The following MDFIC2 variants were observed in gnomAD, a reference collection of about 807,000 sequenced individuals.
MDFIC2 encodes the protein myoD family inhibitor domain-containing protein 2.
At chr3:70,202,724 C>A (rs1464051895) in intron 3 of MDFIC2, among the ~76,000 whole-genome samples, 1 of 152,228 alleles carries the variant, frequency 6.6e-6, no homozygotes, top group South Asian at 2.1e-4. Flanking sequence ...CCTTTCTACA[C>A]CCCAGGGTAC....
chr3:70,261,112 G>C (rs1701861315), intron 2 of MDFIC2, among the ~76,000 whole-genome samples: 1 of 152,072 alleles, frequency 6.6e-6, no homozygotes, highest in African/African-American at 2.4e-5. Flanking sequence ...TAGAAAAAAG[G>C]CACAAAAATC....
At chr3:70,251,023 C>A (rs1264610123) in intron 2 of MDFIC2, among the ~76,000 whole-genome samples, 1 of 152,164 alleles carries the variant, frequency 6.6e-6, no homozygotes, top group Admixed American at 6.5e-5. Context: ...CATTTAAACG[C>A]CTTTCCAGAG....
intron 2 of MDFIC2, among the ~76,000 whole-genome samples, chr3:70,275,191 T>C (rs535610007): frequency 6.6e-6 from 1 of 152,340 alleles, no homozygotes; most frequent in South Asian, 2.1e-4. Context: ...GCCTGTTTTA[T>C]ATATTGTGCT....
intron 2 of MDFIC2, among the ~76,000 whole-genome samples, chr3:70,240,998 A>T (rs920571976): frequency 1.3e-5 from 2 of 152,160 alleles, no homozygotes; most frequent in Non-Finnish European, 2.9e-5. Flanking sequence ...AGTCAAGGAT[A>T]TTCATTTTTT....
intron 2 of MDFIC2, among the ~76,000 whole-genome samples, chr3:70,310,695 G>T (rs992120000): frequency 1.3e-5 from 2 of 152,110 alleles, no homozygotes; most frequent in Non-Finnish European, 2.9e-5. Context: ...AGGGTTGGGG[G>T]TAGGGTGAGA....
chr3:70,246,633 G>C (rs1701710258), intron 2 of MDFIC2, among the ~76,000 whole-genome samples: 1 of 151,988 alleles, frequency 6.6e-6, no homozygotes, highest in Non-Finnish European at 1.5e-5. Flanking sequence ...ACGTATTTAA[G>C]GGGTTGTTGA....
chr3:70,221,183 C>G (rs1363769946), intron 2 of MDFIC2, among the ~76,000 whole-genome samples: 1 of 152,052 alleles, frequency 6.6e-6, no homozygotes, highest in Non-Finnish European at 1.5e-5. Context: ...AGTGAGTTTC[C>G]TCTCCCACAT....
intron 2 of MDFIC2, among the ~76,000 whole-genome samples, chr3:70,268,050 CCTT>C (rs1438858022): frequency 5.3e-5 from 8 of 150,422 alleles, no homozygotes; most frequent in African/African-American, 7.4e-5. Flanking sequence ...TCCTCCTCCT[CCTT>C]CTTCTCCAAT....
intron 2 of MDFIC2, among the ~76,000 whole-genome samples, chr3:70,223,034 C>A (rs1701474356): frequency 6.6e-6 from 1 of 152,222 alleles, no homozygotes; most frequent in East Asian, 1.9e-4. Context: ...GAGTTAGGGG[C>A]AGGCTTCAAA....
intron 2 of MDFIC2, among the ~76,000 whole-genome samples, chr3:70,297,485 A>G (rs766895163): frequency 6.6e-6 from 1 of 152,124 alleles, no homozygotes; most frequent in Admixed American, 6.6e-5. Context: ...TGACAAATTT[A>G]TATAATCTCT....
intron 2 of MDFIC2, among the ~76,000 whole-genome samples, chr3:70,279,606 G>A (rs1465601455): frequency 6.6e-6 from 1 of 152,100 alleles, no homozygotes; most frequent in Non-Finnish European, 1.5e-5. Context: ...TGGGTTGAAG[G>A]CTCAGATTTG....
At chr3:70,287,515 T>C (rs951569112) in intron 2 of MDFIC2, among the ~76,000 whole-genome samples, 2 of 151,932 alleles carry the variant, frequency 1.3e-5, no homozygotes, top group African/African-American at 4.8e-5. Flanking sequence ...TGGTCTAAAA[T>C]TCTCTTTTTT....
At chr3:70,222,882 A>T (rs963890038) in intron 2 of MDFIC2, among the ~76,000 whole-genome samples, 1 of 152,192 alleles carries the variant, frequency 6.6e-6, no homozygotes, top group Non-Finnish European at 1.5e-5. Context: ...GTCAAGGTCA[A>T]TCTGAGAGGA....
intron 3 of MDFIC2, 122 bp from the exon 4 acceptor site, chr3:70,197,307 G>A (rs1701192255): frequency 2.5e-6 from 1 of 396,896 alleles, no homozygotes; most frequent in Non-Finnish European, 4.4e-6. Context: ...CCACATTAGG[G>A]GTAATGTACA....
At chr3:70,200,241 G>A (rs180817341) in intron 3 of MDFIC2, among the ~76,000 whole-genome samples, 219 of 152,242 alleles carry the variant, frequency 1.4e-3, no homozygotes, top group Non-Finnish European at 2.7e-3. Flanking sequence ...ACATGAGCCC[G>A]CTTCAAATTC....
chr3:70,199,760 C>G (rs1182616092), intron 3 of MDFIC2, among the ~76,000 whole-genome samples: 1 of 152,152 alleles, frequency 6.6e-6, no homozygotes, highest in African/African-American at 2.4e-5. Flanking sequence ...TTTGCCTGCA[C>G]TATTTCCTGG....
At chr3:70,200,027 T>A (rs952426673) in intron 3 of MDFIC2, among the ~76,000 whole-genome samples, 2 of 152,290 alleles carry the variant, frequency 1.3e-5, no homozygotes, top group South Asian at 4.1e-4. Flanking sequence ...GGCAGAAACC[T>A]GGTAGTCATT....
At chr3:70,253,954 A>G (rs1484870560) in intron 2 of MDFIC2, among the ~76,000 whole-genome samples, 1 of 152,206 alleles carries the variant, frequency 6.6e-6, no homozygotes, top group African/African-American at 2.4e-5. Context: ...CTTTCCTAGT[A>G]TGCTCTGTGG....
At chr3:70,298,678 C>T (rs1702315564) in intron 2 of MDFIC2, among the ~76,000 whole-genome samples, 1 of 152,016 alleles carries the variant, frequency 6.6e-6, no homozygotes, top group African/African-American at 2.4e-5. Flanking sequence ...AAAAATACCC[C>T]AGCTATATTG....
Sources: gnomAD v4.1 joint callset for allele counts (sites outside exome capture counted in the v4.1 genomes callset) on GRCh38, gnomAD v4.1.1 for gene constraint, MANE v1.5 for transcripts, NCBI Gene and HGNC (gene_info 2026-07-23, HGNC 2026-07-21) for gene names.